The following MCF2 variants were observed in gnomAD, a reference collection of about 807,000 sequenced individuals.
MCF2 encodes MCF.2 cell line derived transforming sequence.
In MCF2, 44 loss-of-function variants were observed where a neutral mutation model predicts 82.5. The observed-to-expected ratio is 0.53, with a 90% confidence interval of 0.42 to 0.69. The LOEUF (loss-of-function observed/expected upper bound fraction) is 0.69, where lower values mean the gene tolerates loss of function less well. Among genes scored for constraint, MCF2 ranks in the 30% least tolerant of loss-of-function variants. The probability of loss-of-function intolerance (pLI) is 0.00; values close to 1 mark genes in which losing one functional copy is unlikely to be tolerated. For missense variants in MCF2, 623 were observed against 663.1 expected, an observed-to-expected ratio of 0.94 and a Z score of 0.66; for synonymous variants, 217 against 224.9, an observed-to-expected ratio of 0.96 and a Z score of 0.32.
At chrX:139,601,519 G>T (rs1930550808) in intron 16 of MCF2, among the ~76,000 whole-genome samples, 1 of 111,410 alleles carries the variant, frequency 9.0e-6, no homozygotes, top group African/African-American at 3.3e-5. Context: ...TGAAGTCTTA[G>T]GGTAGAATAA....
intron 19 of MCF2, among the ~76,000 whole-genome samples, chrX:139,594,662 A>C (rs1379550802): frequency 2.8e-4 from 31 of 110,574 alleles, no homozygotes; most frequent in African/African-American, 1.0e-3. Flanking sequence ...GGACATAGGC[A>C]TGGGCAAGGA....
chrX:139,606,275 A>G (rs1280332468), intron 12 of MCF2, among the ~76,000 whole-genome samples: 1 of 109,498 alleles, frequency 9.1e-6, no homozygotes, highest in Non-Finnish European at 1.9e-5. Flanking sequence ...TTTCAAAGTA[A>G]TGTTCTGAAA....
At chrX:139,663,211 A>C (rs1934405825) in intron 1 of MCF2, among the ~76,000 whole-genome samples, 1 of 112,217 alleles carries the variant, frequency 8.9e-6, no homozygotes, top group Non-Finnish European at 1.9e-5. Context: ...TTTTTTGAGA[A>C]ATCTCCATGG....
At chrX:139,646,991 C>A, upstream of MCF2, 1 of 544,935 alleles carries the variant, frequency 1.8e-6, no homozygotes, top group Non-Finnish European at 2.9e-6. Context: ...TACTGTTTTG[C>A]AGCAACACAA....
intron 4 of MCF2, among the ~76,000 whole-genome samples, chrX:139,628,131 A>G (rs1016064422): frequency 8.9e-6 from 1 of 111,806 alleles, no homozygotes; most frequent in African/African-American, 3.3e-5. Flanking sequence ...CTGGGTTTAT[A>G]CCCAAAGGAA....
intron 1 of MCF2, among the ~76,000 whole-genome samples, chrX:139,700,196 C>G (rs1195342688): frequency 9.0e-6 from 1 of 111,306 alleles, no homozygotes; most frequent in African/African-American, 3.3e-5. Context: ...GCCCAATTTC[C>G]AACGTTTTCC....
chrX:139,692,243 C>A, intron 1 of MCF2: 1 of 509,561 alleles, frequency 2.0e-6, no homozygotes. Context: ...AGCTCTGACC[C>A]GCGCGCCGCC....
exon 9 of MCF2, chrX:139,616,440 G>A: frequency 8.7e-7 from 1 of 1,145,542 alleles, no homozygotes; most frequent in Non-Finnish European, 1.2e-6. Context: ...TGATTAGCTA[G>A]AAGACATTCC....
upstream of MCF2, chrX:139,646,949 C>T: frequency 1.4e-6 from 1 of 733,945 alleles, no homozygotes; most frequent in East Asian, 3.6e-5. Context: ...ATGTATATAA[C>T]AACGAAGCAA....
At chrX:139,638,252 G>C (rs1382194939) in intron 1 of MCF2, among the ~76,000 whole-genome samples, 3 of 111,582 alleles carry the variant, frequency 2.7e-5, no homozygotes, top group African/African-American at 9.8e-5. Flanking sequence ...TGTTGAACTA[G>C]ACTCAGTCAA....
intron 22 of MCF2, among the ~76,000 whole-genome samples, chrX:139,587,161 A>G (rs1484683351): frequency 5.4e-5 from 6 of 111,271 alleles, no homozygotes; most frequent in Non-Finnish European, 1.1e-4. Context: ...TTCTTTCTGT[A>G]TATATGCAAA....
intron 1 of MCF2, among the ~76,000 whole-genome samples, chrX:139,664,617 CA>C (rs1279363612): frequency 8.9e-6 from 1 of 112,485 alleles, no homozygotes; most frequent in Non-Finnish European, 1.9e-5. Context: ...CTCCCAGAGG[CA>C]AGGCCTGGAA....
At chrX:139,604,193 C>T in intron 15 of MCF2, among the ~76,000 whole-genome samples, 1 of 111,389 alleles carries the variant, frequency 9.0e-6, no homozygotes, top group East Asian at 2.8e-4. Flanking sequence ...GAACTGACAG[C>T]TCTCTGTTTC....
chrX:139,667,218 G>A (rs758830362), intron 1 of MCF2, among the ~76,000 whole-genome samples: 1 of 100,481 alleles, frequency 1.0e-5, no homozygotes, highest in Non-Finnish European at 2.0e-5. Flanking sequence ...TTTTTGACAG[G>A]TTCTTGCTCT....
intron 1 of MCF2, among the ~76,000 whole-genome samples, chrX:139,674,296 T>C (rs1934798836): frequency 8.9e-6 from 1 of 112,223 alleles, no homozygotes; most frequent in Non-Finnish European, 1.9e-5. Flanking sequence ...CTGTGTCTTT[T>C]AATTGGAGCA....
chrX:139,634,910 A>G (rs1933113867), intron 1 of MCF2, among the ~76,000 whole-genome samples: 1 of 110,803 alleles, frequency 9.0e-6, no homozygotes, highest in South Asian at 3.9e-4. Context: ...AGCTTGGACA[A>G]CATAGTGAGA....
chrX:139,602,307 C>A, intron 16 of MCF2, 99 bp downstream of exon 20: 1 of 654,377 alleles, frequency 1.5e-6, no homozygotes, highest in Admixed American at 2.6e-5. Context: ...TACGTATATG[C>A]ACATGTAACG....
intron 1 of MCF2, among the ~76,000 whole-genome samples, chrX:139,664,391 T>C (rs1327479146): frequency 8.9e-6 from 1 of 112,412 alleles, no homozygotes; most frequent in Admixed American, 9.4e-5. Flanking sequence ...CTGGTCACCT[T>C]TGGTTTCCAT....
chrX:139,657,683 C>G (rs1435603194), intron 1 of MCF2, among the ~76,000 whole-genome samples: 1 of 112,029 alleles, frequency 8.9e-6, no homozygotes, highest in African/African-American at 3.2e-5. Flanking sequence ...CACATGTACA[C>G]ATTGTGACTC....
Sources: gnomAD v4.1 joint callset for allele counts (sites outside exome capture counted in the v4.1 genomes callset) on GRCh38, gnomAD v4.1.1 for gene constraint, MANE v1.5 for transcripts, NCBI Gene and HGNC (gene_info 2026-07-23, HGNC 2026-07-21) for gene names.